EGFLAM: variants seen among roughly 807,000 people sequenced by gnomAD.
EGFLAM encodes EGF like, fibronectin type III and laminin G domains.
Under a neutral mutation model 113.1 loss-of-function variants are expected in EGFLAM, and 79 were observed. That is an observed-to-expected ratio of 0.70 (90% CI 0.58 to 0.84). EGFLAM has a LOEUF of 0.84. Ranked by LOEUF, EGFLAM falls within the 40% of genes least tolerant of loss-of-function variation. EGFLAM has a pLI of 0.00. For missense variants in EGFLAM, 1,265 were observed against 1,291.6 expected, an observed-to-expected ratio of 0.98 and a Z score of 0.32; for synonymous variants, 504 against 487.6, an observed-to-expected ratio of 1.03 and a Z score of -0.44.
intron 17 of EGFLAM, among the ~76,000 whole-genome samples, chr5:38,443,321 A>C (rs147393924): frequency 6.6e-6 from 1 of 152,338 alleles, no homozygotes; most frequent in Non-Finnish European, 1.5e-5. Context: ...TTATGCACTA[A>C]AATGCGAAGG....
In EGFLAM at chr5:38,258,654, G is replaced by C. The variant is rs999109657; in HGVS notation, c.-101G>C. ...CGCAGCCCCCCACCTCCTCGCCCCGGCCCGGGGATCCGTTGGGGCCGCGTC... is the reference window on the plus strand; with the variant it reads ...CGCAGCCCCCCACCTCCTCGCCCCGCCCCGGGGATCCGTTGGGGCCGCGTC... On this transcript the variant is annotated 5_prime_UTR_variant, in exon 1 of 22. Transcript: ENST00000322350. 1 of 1,368,300 alleles carries C rather than the reference G, an allele frequency of 7.3e-7. No homozygotes were observed. Among genetic ancestry groups the C allele is most frequent in the East Asian group, 2.5e-5 (1 of 39,914 alleles). 84.8% of individuals were successfully genotyped at this position (1,368,300 alleles called of 1,614,324 possible).
intron 1 of EGFLAM, among the ~76,000 whole-genome samples, chr5:38,289,500 A>C (rs778366880): frequency 4.1e-4 from 62 of 152,196 alleles, no homozygotes; most frequent in Admixed American, 2.6e-3. Context: ...CTGATCTCTG[A>C]AGCATCTTTA....
At chr5:38,262,753 T>A (rs575423534) in intron 1 of EGFLAM, among the ~76,000 whole-genome samples, 1 of 152,358 alleles carries the variant, frequency 6.6e-6, no homozygotes, top group East Asian at 1.9e-4. Context: ...TAAGTTGTTT[T>A]CAGTTTTAGG....
intron 11 of EGFLAM, among the ~76,000 whole-genome samples, chr5:38,416,129 C>T (rs1279641219): frequency 1.3e-5 from 2 of 152,156 alleles, no homozygotes; most frequent in Non-Finnish European, 2.9e-5. Flanking sequence ...AGATTGCCTC[C>T]ATACTAATGA....
At chr5:38,436,855 G>A (rs1434456910) in intron 16 of EGFLAM, among the ~76,000 whole-genome samples, 9 of 152,184 alleles carry the variant, frequency 5.9e-5, no homozygotes, top group Non-Finnish European at 2.9e-5. Flanking sequence ...CTACTTTCTA[G>A]CAGCTTCTCA....
intron 13 of EGFLAM, 121 bp downstream of exon 13, chr5:38,425,213 C>A (rs906956636): frequency 2.1e-6 from 3 of 1,438,806 alleles, no homozygotes; most frequent in South Asian, 2.8e-5. Context: ...AAGGCTCCCT[C>A]TCTTACCCAG....
At chr5:38,318,178 A>C (rs554158644) in intron 1 of EGFLAM, among the ~76,000 whole-genome samples, 42 of 151,906 alleles carry the variant, frequency 2.8e-4, no homozygotes. Flanking sequence ...GAGGACCCTC[A>C]TTTTTTTCAG....
At chr5:38,442,671 C>A (rs982649990) in intron 17 of EGFLAM, among the ~76,000 whole-genome samples, 2 of 152,090 alleles carry the variant, frequency 1.3e-5, no homozygotes, top group African/African-American at 4.8e-5. Context: ...TGTTCCCAGT[C>A]CCTCATTCTG....
At chr5:38,392,299 T>C (rs1016794221) in intron 6 of EGFLAM, among the ~76,000 whole-genome samples, 4 of 152,264 alleles carry the variant, frequency 2.6e-5, no homozygotes, top group African/African-American at 9.6e-5. Flanking sequence ...TATTCTTTTT[T>C]AGGACTGCAT....
intron 12 of EGFLAM, among the ~76,000 whole-genome samples, chr5:38,421,032 T>C (rs183837978): frequency 1.3e-5 from 2 of 152,322 alleles, no homozygotes; most frequent in East Asian, 3.9e-4. Context: ...TTGCTGTCCT[T>C]TGGGTTAGTC....
chr5:38,438,725 A>G (rs1742439832), intron 17 of EGFLAM, among the ~76,000 whole-genome samples: 1 of 152,162 alleles, frequency 6.6e-6, no homozygotes, highest in South Asian at 2.1e-4. Context: ...ATCACCTCAT[A>G]GTCTAGCAAC....
intron 9 of EGFLAM, among the ~76,000 whole-genome samples, chr5:38,408,735 A>T (rs1741374304): frequency 6.6e-6 from 1 of 152,228 alleles, no homozygotes; most frequent in African/African-American, 2.4e-5. Context: ...AGGTGCATCC[A>T]CAAAGGACAA....
Position 38,406,255 on chromosome 5 carries a change from C to A in EGFLAM, c.828+14C>A. ...TCCTTTGAGGAGGTAACAATAATCTCTGCTCTTAAAACCCAGGGTGTTTGT... is the reference window on the plus strand; with the variant it reads ...TCCTTTGAGGAGGTAACAATAATCTATGCTCTTAAAACCCAGGGTGTTTGT... On this transcript the variant is annotated intron_variant, in intron 7 of 21. Transcript: ENST00000322350. The A allele has an allele frequency of 6.2e-7, 1 of 1,608,922 alleles. No homozygotes were observed. Among genetic ancestry groups the A allele is most frequent in the African/African-American group, 1.3e-5 (1 of 74,950 alleles).
At chr5:38,457,244 A>G (rs866293742) in intron 19 of EGFLAM, among the ~76,000 whole-genome samples, 2 of 152,200 alleles carry the variant, frequency 1.3e-5, no homozygotes, top group Admixed American at 6.5e-5. Context: ...TTAAAAAGTG[A>G]AAACAGATGC....
chr5:38,342,287 C>G (rs1739357352), intron 3 of EGFLAM, among the ~76,000 whole-genome samples: 1 of 152,202 alleles, frequency 6.6e-6, no homozygotes, highest in African/African-American at 2.4e-5. Context: ...GTAGGTAAAA[C>G]AGATTGAAAA....
In EGFLAM at chr5:38,435,230, C is replaced by T. The variant is rs1194968562; in HGVS notation, c.2260C>T (p.Pro754Ser). Reference protein sequence around the residue: ...DVKKNSGVLKPFSGSIQKIIL... With the variant: ...DVKKNSGVLKSFSGSIQKIIL... The stretch of plus-strand genomic sequence containing the variant: ...GAAGAAGAACTCGGGTGTCCTGAAG[C>T]CTTTCAGCGGGAGCATCCAGAAGGT... The change falls in exon 16 of 22, where the codon CCT becomes TCT. Residue 754 changes from proline (P) to serine (S), a missense_variant. Transcript: ENST00000322350. 1 of 1,614,068 alleles carries T rather than the reference C, an allele frequency of 6.2e-7. No individual in the cohort carries two copies. Among genetic ancestry groups the T allele is most frequent in the Non-Finnish European group, 8.5e-7 (1 of 1,179,972 alleles).
At chr5:38,343,448 G>A (rs1739396493) in intron 3 of EGFLAM, among the ~76,000 whole-genome samples, 1 of 150,854 alleles carries the variant, frequency 6.6e-6, no homozygotes, top group Non-Finnish European at 1.5e-5. Flanking sequence ...ACTAGCAATG[G>A]TTCTCAACTG....
chr5:38,352,066 G>A (rs555583399), intron 4 of EGFLAM, 130 bp from the exon 5 acceptor site: 4 of 1,318,916 alleles, frequency 3.0e-6, no homozygotes, highest in Non-Finnish European at 4.1e-6. Context: ...TTTGGGTATA[G>A]GAAGCACTCG....
At chr5:38,433,686 T>C (rs998542733) in intron 15 of EGFLAM, among the ~76,000 whole-genome samples, 2 of 152,186 alleles carry the variant, frequency 1.3e-5, no homozygotes, top group African/African-American at 4.8e-5. Flanking sequence ...CCTGCATCCT[T>C]CCTCCTTTCC....
Sources: allele counts gnomAD v4.1 joint callset (sites outside exome capture counted in the v4.1 genomes callset), GRCh38; gene constraint gnomAD v4.1.1; transcripts MANE v1.5; gene names NCBI Gene and HGNC (gene_info 2026-07-23, HGNC 2026-07-21).